HHAT: variants seen among roughly 807,000 people sequenced by gnomAD.
HHAT encodes protein-cysteine N-palmitoyltransferase HHAT.
In HHAT, 47 loss-of-function variants were observed where a neutral mutation model predicts 70.8. The observed-to-expected ratio is 0.66, with a 90% CI of 0.53 to 0.85. The LOEUF is 0.85. Among genes scored for constraint, HHAT ranks in the 40% least tolerant of loss-of-function variants. HHAT has a pLI of 0.00. For synonymous variants in HHAT, 228 were observed against 247.6 expected, an observed-to-expected ratio of 0.92 and a Z score of 0.74; for missense variants, 609 against 604.8, an observed-to-expected ratio of 1.01 and a Z score of -0.07.
At chr1:210,373,878 C>T (rs1571967983) in intron 3 of HHAT, among the ~76,000 whole-genome samples, 1 of 152,184 alleles carries the variant, frequency 6.6e-6, no homozygotes, top group Non-Finnish European at 1.5e-5. Context: ...AGTTTAGGAT[C>T]TTAAAGGCCA....
intron 3 of HHAT, among the ~76,000 whole-genome samples, chr1:210,370,131 T>C (rs1274970151): frequency 6.6e-6 from 1 of 151,482 alleles, no homozygotes; most frequent in Admixed American, 6.6e-5. Context: ...TGATTCTACC[T>C]TCACCTTATT....
chr1:210,373,002 G>A (rs1310640333), intron 3 of HHAT, among the ~76,000 whole-genome samples: 2 of 152,058 alleles, frequency 1.3e-5, no homozygotes, highest in African/African-American at 2.4e-5. Flanking sequence ...AAACTTTCAG[G>A]TGCAGCTTTA....
At chr1:210,355,653 G>C (rs1307718801) in intron 2 of HHAT, among the ~76,000 whole-genome samples, 2 of 152,086 alleles carry the variant, frequency 1.3e-5, no homozygotes, top group African/African-American at 2.4e-5. Flanking sequence ...CTGTAATTTT[G>C]TTTTGTCTCA....
intron 8 of HHAT, among the ~76,000 whole-genome samples, chr1:210,507,643 GC>G (rs2094883497): frequency 6.6e-6 from 1 of 152,006 alleles, no homozygotes; most frequent in South Asian, 2.1e-4. Context: ...ACAGGCGTGA[GC>G]TACCGCACCT....
rs755028031 is a variant in HHAT at position 210,404,500 on chromosome 1, C to A, written c.505C>A (p.Leu169Met). The A allele has an allele frequency of 1.2e-6, 2 of 1,612,952 alleles. No individual in the cohort carries two copies. Among genetic ancestry groups the A allele is most frequent in the Non-Finnish European group, 1.7e-6 (2 of 1,179,852 alleles). Residue 169 changes from leucine to methionine, a missense_variant, in exon 6 of 12, where the codon CTG becomes ATG. Leu to Met is a conservative substitution (Grantham distance 15). Coordinates refer to ENST00000261458, the MANE Select transcript of HHAT (RefSeq NM_018194.6). ...WYKTENEYYL[L>M]QFTLTVRCLY... ...CAAGACAGAAAACGAGTACTACCTG[C>A]TGCAGTTCACGCTGACCGTTCGCTG...
At chr1:210,348,818 CTGTA>C (rs545646129) in intron 1 of HHAT, 111 bp from the exon 2 acceptor site, 2 of 1,040,562 alleles carry the variant, frequency 1.9e-6, no homozygotes, top group Non-Finnish European at 2.7e-6. Context: ...GGGGTTATGT[CTGTA>C]TCACCTTGAA....
intron 8 of HHAT, among the ~76,000 whole-genome samples, chr1:210,481,047 TTAAC>T (rs2094388321): frequency 6.6e-6 from 1 of 152,000 alleles, no homozygotes; most frequent in East Asian, 1.9e-4. Context: ...AGACAGATAA[TTAAC>T]AAACCTAATA....
chr1:210,386,294 A>T lies in HHAT; in HGVS notation c.160-1174A>T, dbSNP rs1450507241. ...CGCTCTGTCGCCCAGGCTGGAGTGC[A>T]GTGGCGGGATTTCGGCTCACTGCAA... On this transcript the variant is annotated intron_variant, in intron 3 of 11. Transcript: ENST00000261458. 3.3e-5 allele frequency among the ~76,000 whole-genome samples: 4 copies of T among 120,440 alleles called. No homozygotes were observed. The East Asian group carries it at 1.0e-3, about 30-fold the overall frequency. The allele number at this position is 120,440 out of a possible 152,430, so 79.0% of individuals were successfully genotyped here. A position where few individuals can be genotyped will look rare whatever the true frequency, so the allele number is the denominator to read the frequency against.
intron 4 of HHAT, among the ~76,000 whole-genome samples, chr1:210,390,775 T>C (rs1408783723): frequency 1.3e-5 from 2 of 152,232 alleles, no homozygotes; most frequent in Non-Finnish European, 2.9e-5. Flanking sequence ...CCTGAGTTAC[T>C]TCACTTAGAA....
intron 11 of HHAT, among the ~76,000 whole-genome samples, chr1:210,652,891 C>T (rs961420293): frequency 1.3e-5 from 2 of 152,192 alleles, no homozygotes; most frequent in Non-Finnish European, 2.9e-5. Flanking sequence ...AAAGTGCCAG[C>T]TCCTCTAGAG....
intron 7 of HHAT, 30 bp downstream of exon 7, chr1:210,418,355 G>A (rs1329012651): frequency 2.2e-5 from 34 of 1,554,054 alleles, no homozygotes; most frequent in Non-Finnish European, 2.7e-5. Context: ...ACAGTGGGAT[G>A]AGCCCCAATA....
intron 11 of HHAT, among the ~76,000 whole-genome samples, chr1:210,644,755 A>G (rs767925657): frequency 2.0e-5 from 3 of 152,142 alleles, no homozygotes; most frequent in Non-Finnish European, 2.9e-5. Context: ...CTTTTGCCAT[A>G]TAGTAAGGAG....
intron 9 of HHAT, among the ~76,000 whole-genome samples, chr1:210,555,937 TTAA>T (rs2095568124): frequency 6.6e-6 from 1 of 152,208 alleles, no homozygotes; most frequent in Non-Finnish European, 1.5e-5. Flanking sequence ...CATTTGCTTA[TTAA>T]TGTCGATGTT....
At chr1:210,391,145 C>T (rs2091433539) in intron 4 of HHAT, among the ~76,000 whole-genome samples, 2 of 152,180 alleles carry the variant, frequency 1.3e-5, no homozygotes, top group South Asian at 2.1e-4. Context: ...CTTTTTACCA[C>T]ATTTACACCA....
In HHAT at chr1:210,564,482, C is replaced by T. The variant is rs144543361; in HGVS notation, c.1044-23416C>T. On this transcript the variant is annotated intron_variant, in intron 9 of 11. Coordinates refer to ENST00000261458, the MANE Select transcript of HHAT (RefSeq NM_018194.6). ...AAGGAAAGTCATGTGGAAGGATGCTCATGATTAGGTGAACAGAACAGTTTC... is the reference window on the plus strand; with the variant it reads ...AAGGAAAGTCATGTGGAAGGATGCTTATGATTAGGTGAACAGAACAGTTTC... 2.0e-5 allele frequency among the ~76,000 whole-genome samples: 3 copies of T among 152,286 alleles called. No individual in the cohort carries two copies. The East Asian group carries it at 5.8e-4, about 29-fold the overall frequency.
At chr1:210,673,634 C>G (rs1412455083) in intron 11 of HHAT, among the ~76,000 whole-genome samples, 2 of 150,292 alleles carry the variant, frequency 1.3e-5, no homozygotes, top group Non-Finnish European at 2.9e-5. Flanking sequence ...CTCTGTGGCC[C>G]AAGCTGGAGT....
At chr1:210,471,356 TCTTA>T (rs1329866787) in intron 8 of HHAT, among the ~76,000 whole-genome samples, 36 of 152,104 alleles carry the variant, frequency 2.4e-4, no homozygotes, top group African/African-American at 8.5e-4. Context: ...TGTTTGCCTT[TCTTA>T]CTTTATGACT....
At position 210,436,847 on chromosome 1, in the gene HHAT, T is replaced by G. The variant is rs1012978829; in HGVS notation, c.856+18522T>G. Among the ~76,000 whole-genome samples, 3 of 151,860 alleles carry G rather than the reference T, an allele frequency of 2.0e-5. No homozygotes were observed. In the South Asian group the frequency reaches 6.2e-4, roughly 31 times the overall value. ...GCTTGTACTATAACTCCTCTTTCACTTGTTCTCCTAGTTCCATGAGGAACC... is the reference window on the plus strand; with the variant it reads ...GCTTGTACTATAACTCCTCTTTCACGTGTTCTCCTAGTTCCATGAGGAACC... On this transcript the variant is annotated intron_variant, in intron 7 of 11. Transcript: ENST00000261458.
chr1:210,406,480 A>AC lies in HHAT; in HGVS notation c.684+1803dup, dbSNP rs200381407. Among the ~76,000 whole-genome samples the AC allele has an allele frequency of 9.9e-3, 1,496 of 150,390 alleles. 32 individuals are homozygous for AC. Among genetic ancestry groups the AC allele is most frequent in the African/African-American group, 0.035 (1,414 of 40,744 alleles). On this transcript the variant is annotated intron_variant, in intron 6 of 11. Coordinates refer to ENST00000261458, the MANE Select transcript of HHAT (RefSeq NM_018194.6). ...GTAATCTCAGCTTACTGCAACCTCC[A>AC]CCTCCTGGGTTCAAGTGATTCCCGT...
Sources: gnomAD v4.1 joint callset for allele counts (sites outside exome capture counted in the v4.1 genomes callset) on GRCh38, gnomAD v4.1.1 for gene constraint, MANE v1.5 for transcripts, NCBI Gene and HGNC (gene_info 2026-07-23, HGNC 2026-07-21) for gene names.